HMCN1: variants seen among roughly 807,000 people sequenced by gnomAD.
HMCN1 encodes hemicentin 1, also known as hemicentin-1.
In HMCN1, 321 loss-of-function variants were observed where a neutral mutation model predicts 625.9. That is an observed-to-expected ratio of 0.51 (90% CI 0.47 to 0.56). The LOEUF is 0.56. HMCN1 is among the 20% of genes least tolerant of loss of function. The probability of loss-of-function intolerance (pLI) is 0.00; values close to 1 mark genes in which losing one functional copy is unlikely to be tolerated. For synonymous variants in HMCN1, 2,425 were observed against 2,417.6 expected (o/e 1.00, Z -0.09); for missense variants, 6,588 against 6,887.3 (o/e 0.96, Z 1.54).
At chr1:186,016,909 T>C in intron 32 of HMCN1, 54 bp from the exon 33 acceptor site, 1 of 929,650 alleles carries the variant, frequency 1.1e-6, no homozygotes, top group East Asian at 2.4e-5. Context: ...CATATGATGG[T>C]GTGTTTTTTG....
intron 104 of HMCN1, among the ~76,000 whole-genome samples, chr1:186,181,619 TA>T (rs1253790121): frequency 1.3e-5 from 2 of 152,032 alleles, no homozygotes; most frequent in African/African-American, 4.8e-5. Context: ...TTGAATTGTA[TA>T]AAAAAAGAGT....
At chr1:185,988,755 TG>T (rs1356296339) in intron 20 of HMCN1, among the ~76,000 whole-genome samples, 2 of 152,204 alleles carry the variant, frequency 1.3e-5, no homozygotes, top group African/African-American at 4.8e-5. Flanking sequence ...TTTGTGATCT[TG>T]GGCAAATTAC....
intron 53 of HMCN1, 31 bp from the exon 54 acceptor site, chr1:186,076,397 G>A (rs993176667): frequency 5.7e-6 from 9 of 1,592,562 alleles, no homozygotes; most frequent in South Asian, 2.2e-5. Flanking sequence ...GCATTTATAT[G>A]TGACCAACAT....
In HMCN1 at chr1:186,117,536, T is replaced by A; in HGVS notation, c.11761T>A (p.Ser3921Thr). 6.2e-7 allele frequency: 1 copy of A among 1,613,848 alleles called. No individual in the cohort carries two copies. The highest frequency in any genetic ancestry group is 2.2e-5 in the East Asian group (1 of 44,862). Residue 3921 changes from serine (S) to threonine (T), a missense_variant, in exon 77 of 107, where the codon TCG (serine) becomes ACG (threonine). Ser to Thr is a moderately conservative substitution (Grantham distance 58, BLOSUM62 1). Transcript: ENST00000271588. ...CCCAGCAGTAATTACCTGCACTGCT[T>A]CGGGAGTTCCATTTCCCTCAATTCA... ...HAPAVITCTASGVPFPSIHWT... is the reference protein window; with the variant it reads ...HAPAVITCTATGVPFPSIHWT...
intron 11 of HMCN1, among the ~76,000 whole-genome samples, chr1:185,947,229 T>C (rs988077796): frequency 2.0e-5 from 3 of 152,210 alleles, no homozygotes; most frequent in Non-Finnish European, 4.4e-5. Context: ...CCAATAGGAC[T>C]TTCTGCAATG....
At chr1:186,003,422 C>T (rs115006040) in intron 28 of HMCN1, among the ~76,000 whole-genome samples, 362 of 152,184 alleles carry the variant, frequency 2.4e-3, no homozygotes, top group Non-Finnish European at 4.1e-3. Context: ...TCACTGATCA[C>T]TTACATTCTA....
At chr1:185,741,810 C>T (rs903723525) in intron 1 of HMCN1, among the ~76,000 whole-genome samples, 1 of 152,064 alleles carries the variant, frequency 6.6e-6, no homozygotes, top group Admixed American at 6.5e-5. Flanking sequence ...GGAGTGAAAG[C>T]CTGTTTGGAG....
chr1:186,177,810 T>C (rs1652693974), intron 103 of HMCN1, among the ~76,000 whole-genome samples: 1 of 151,878 alleles, frequency 6.6e-6, no homozygotes, highest in African/African-American at 2.4e-5. Flanking sequence ...TATTAAGAGG[T>C]ACTATCTTGA....
intron 80 of HMCN1, among the ~76,000 whole-genome samples, chr1:186,121,421 T>C (rs1417161503): frequency 6.6e-6 from 1 of 152,146 alleles, no homozygotes; most frequent in Non-Finnish European, 1.5e-5. Flanking sequence ...GGAGCACAAA[T>C]TGCAGAAGTG....
At chr1:186,115,066 A>T in intron 74 of HMCN1, 120 bp downstream of exon 74, 1 of 1,464,628 alleles carries the variant, frequency 6.8e-7, no homozygotes, top group East Asian at 2.3e-5. Context: ...ACATTATGGT[A>T]TGAATAGCAA....
chr1:185,925,436 T>G (rs1046468345), intron 9 of HMCN1, among the ~76,000 whole-genome samples: 1 of 152,150 alleles, frequency 6.6e-6, no homozygotes, highest in Non-Finnish European at 1.5e-5. Context: ...TGTTGACTCA[T>G]GTGTTATAGA....
chr1:185,795,325 T>C lies in HMCN1; in HGVS notation c.269-50701T>C, dbSNP rs1479099543. 4.6e-5 allele frequency among the ~76,000 whole-genome samples: 7 copies of C among 152,340 alleles called. 1 individual carries two copies. Among genetic ancestry groups the C allele is most frequent in the African/African-American group, 1.4e-4 (6 of 41,580 alleles). ...TGTACATTTTTATCTTGTTACTTCA[T>C]ATAATCATTGAGTCCTAAAAAAATA... On this transcript the variant is annotated intron_variant, in intron 1 of 106. Transcript: ENST00000271588.
chr1:185,882,367 T>A (rs948312239), intron 4 of HMCN1, among the ~76,000 whole-genome samples: 1 of 151,132 alleles, frequency 6.6e-6, no homozygotes, highest in Admixed American at 6.6e-5. Flanking sequence ...TTTTTTTCAG[T>A]TTTAATGTTA....
At chr1:186,003,902 A>C (rs1041260348) in intron 29 of HMCN1, 58 bp downstream of exon 29, 4 of 1,536,788 alleles carry the variant, frequency 2.6e-6, no homozygotes, top group South Asian at 1.1e-5. Flanking sequence ...AGATGTGAAA[A>C]ATGCATGTGG....
intron 36 of HMCN1, among the ~76,000 whole-genome samples, chr1:186,037,435 TAA>T (rs1459572376): frequency 2.6e-5 from 4 of 152,188 alleles, no homozygotes; most frequent in Admixed American, 1.3e-4. Context: ...GTGAATAACT[TAA>T]GTCTAAATTT....
chr1:185,911,238 A>G (rs1183624173), intron 5 of HMCN1, among the ~76,000 whole-genome samples: 1 of 151,778 alleles, frequency 6.6e-6, no homozygotes, highest in Admixed American at 6.6e-5. Flanking sequence ...CTCTCTAGTG[A>G]CTCTGCATAA....
chr1:185,971,321 C>T (rs1650815162), intron 15 of HMCN1, among the ~76,000 whole-genome samples: 1 of 152,162 alleles, frequency 6.6e-6, no homozygotes, highest in Non-Finnish European at 1.5e-5. Context: ...AAAAAAATGT[C>T]AATCATAAAA....
intron 55 of HMCN1, among the ~76,000 whole-genome samples, chr1:186,080,572 T>C (rs760965684): frequency 4.6e-5 from 7 of 152,166 alleles, no homozygotes; most frequent in Non-Finnish European, 7.4e-5. Context: ...AACTTTAGCA[T>C]ACATAAAGAT....
At chr1:185,785,729 A>G (rs910748184) in intron 1 of HMCN1, among the ~76,000 whole-genome samples, 6 of 152,210 alleles carry the variant, frequency 3.9e-5, no homozygotes, top group Non-Finnish European at 5.9e-5. Context: ...AGTGTAACAA[A>G]TGTAATGTGA....
Sources: allele counts gnomAD v4.1 joint callset (sites outside exome capture counted in the v4.1 genomes callset), GRCh38; gene constraint gnomAD v4.1.1; transcripts MANE v1.5; gene names NCBI Gene and HGNC (gene_info 2026-07-23, HGNC 2026-07-21).